MGAT5: variants seen among roughly 807,000 people sequenced by gnomAD.
MGAT5 encodes the protein alpha-1,6-mannosylglycoprotein 6-beta-N-acetylglucosaminyltransferase A.
A neutral mutation model predicts 94.3 loss-of-function variants in MGAT5; 30 were observed. The observed-to-expected ratio is 0.32, with a 90% CI of 0.24 to 0.43. The LOEUF (loss-of-function observed/expected upper bound fraction) is 0.43, where lower values mean the gene tolerates loss of function less well. Ranked by LOEUF, MGAT5 falls within the 20% of genes least tolerant of loss-of-function variation. The probability of loss-of-function intolerance (pLI) is 1.00; values close to 1 mark genes in which losing one functional copy is unlikely to be tolerated. For synonymous variants in MGAT5, 310 were observed against 322.9 expected (o/e 0.96, Z 0.43); for missense variants, 691 against 905.5 (o/e 0.76, Z 3.04).
chr2:134,402,689 T>A (rs1683121847), intron 10 of MGAT5, among the ~76,000 whole-genome samples: 2 of 152,204 alleles, frequency 1.3e-5, no homozygotes, highest in Non-Finnish European at 1.5e-5. Context: ...TCAAAACAGT[T>A]GGCTATATAA....
At chr2:134,334,868 C>T (rs929785309) in intron 4 of MGAT5, among the ~76,000 whole-genome samples, 1 of 152,014 alleles carries the variant, frequency 6.6e-6, no homozygotes, top group African/African-American at 2.4e-5. Flanking sequence ...TGAGTAAAAA[C>T]CATTTTAGCT....
intron 1 of MGAT5, among the ~76,000 whole-genome samples, chr2:134,194,784 C>T (rs997055588): frequency 6.6e-6 from 1 of 151,798 alleles, no homozygotes; most frequent in African/African-American, 2.4e-5. Context: ...TCCAAATCTG[C>T]CCTCACTTCA....
chr2:134,387,798 G>A (rs1472714158), intron 10 of MGAT5, among the ~76,000 whole-genome samples: 1 of 152,200 alleles, frequency 6.6e-6, no homozygotes, highest in Non-Finnish European at 1.5e-5. Flanking sequence ...CCCATTTATA[G>A]CCACAGATGG....
chr2:134,245,368 CTG>C (rs1339250321), intron 1 of MGAT5, among the ~76,000 whole-genome samples: 1 of 152,324 alleles, frequency 6.6e-6, no homozygotes, highest in East Asian at 1.9e-4. Flanking sequence ...ATTCTCTCAA[CTG>C]TGAATATCGT....
chr2:134,196,594 C>A (rs547856867), intron 1 of MGAT5, among the ~76,000 whole-genome samples: 1 of 152,358 alleles, frequency 6.6e-6, no homozygotes, highest in African/African-American at 2.4e-5. Context: ...TAAGGTTCAA[C>A]TCCTAATGAT....
intron 2 of MGAT5, among the ~76,000 whole-genome samples, 166 bp from the exon 3 acceptor site, chr2:134,317,363 G>A (rs1013481975): frequency 6.6e-6 from 1 of 152,090 alleles, no homozygotes; most frequent in African/African-American, 2.4e-5. Flanking sequence ...CATCACTCTG[G>A]ACCAGTTAGA....
chr2:134,240,812 G>A (rs1681935186), intron 1 of MGAT5, among the ~76,000 whole-genome samples: 1 of 152,062 alleles, frequency 6.6e-6, no homozygotes, highest in Non-Finnish European at 1.5e-5. Context: ...AATTTATTAG[G>A]ACTAAAGATT....
chr2:134,329,165 A>G (rs926866623), intron 4 of MGAT5, among the ~76,000 whole-genome samples: 1 of 152,126 alleles, frequency 6.6e-6, no homozygotes, highest in African/African-American at 2.4e-5. Context: ...TGAGGTAGGA[A>G]TGAACTTGCA....
At chr2:134,259,994 C>A (rs1004050662) in intron 1 of MGAT5, among the ~76,000 whole-genome samples, 1 of 152,108 alleles carries the variant, frequency 6.6e-6, no homozygotes, top group Non-Finnish European at 1.5e-5. Context: ...CAGAATGACA[C>A]ACGGAGCAGC....
intron 1 of MGAT5, among the ~76,000 whole-genome samples, chr2:134,182,091 T>A (rs549407356): frequency 1.3e-5 from 2 of 152,314 alleles, no homozygotes; most frequent in Non-Finnish European, 2.9e-5. Flanking sequence ...GCTTTGGTAG[T>A]TCATAGAAGA....
chr2:134,172,738 C>T (rs1688278954), intron 1 of MGAT5, among the ~76,000 whole-genome samples: 1 of 152,208 alleles, frequency 6.6e-6, no homozygotes, highest in Admixed American at 6.5e-5. Flanking sequence ...AACCCACTGC[C>T]TAAGGGGCAG....
chr2:134,198,140 G>A (rs570271464), intron 1 of MGAT5, among the ~76,000 whole-genome samples: 33 of 152,164 alleles, frequency 2.2e-4, no homozygotes, highest in Non-Finnish European at 3.5e-4. Context: ...AGCCAAGAAG[G>A]GTAGCAATAG....
chr2:134,258,756 TGTA>T (rs1683137437), intron 1 of MGAT5, among the ~76,000 whole-genome samples: 1 of 152,150 alleles, frequency 6.6e-6, no homozygotes, highest in African/African-American at 2.4e-5. Context: ...GGTCGAGAGT[TGTA>T]GTGGTTAGGA....
At chr2:134,191,161 G>T (rs1295155969) in intron 1 of MGAT5, among the ~76,000 whole-genome samples, 1 of 152,240 alleles carries the variant, frequency 6.6e-6, no homozygotes, top group African/African-American at 2.4e-5. Context: ...TTGTGATTGT[G>T]ATTTTTATTA....
At chr2:134,212,860 G>A (rs534208044) in intron 1 of MGAT5, among the ~76,000 whole-genome samples, 1 of 152,286 alleles carries the variant, frequency 6.6e-6, no homozygotes, top group Admixed American at 6.5e-5. Flanking sequence ...CCAGAGAGAG[G>A]GAAGATATCA....
intron 1 of MGAT5, among the ~76,000 whole-genome samples, chr2:134,128,732 A>T (rs56043995): frequency 1.1e-3 from 163 of 152,060 alleles, no homozygotes; most frequent in African/African-American, 2.3e-3. Flanking sequence ...CTAAATTTTT[A>T]AAAAAAATTT....
At chr2:134,323,520 C>T (rs1687452446) in intron 4 of MGAT5, among the ~76,000 whole-genome samples, 1 of 152,052 alleles carries the variant, frequency 6.6e-6, no homozygotes, top group Admixed American at 6.6e-5. Flanking sequence ...AGAGCCAAGT[C>T]ATAGATAGCT....
intron 1 of MGAT5, among the ~76,000 whole-genome samples, chr2:134,157,940 G>T (rs114825166): frequency 6.6e-6 from 1 of 152,202 alleles, no homozygotes; most frequent in African/African-American, 2.4e-5. Flanking sequence ...GTCCTGACAA[G>T]TCTGTTCAGT....
chr2:134,293,004 G>T (rs1375466014), intron 2 of MGAT5, among the ~76,000 whole-genome samples: 1 of 152,230 alleles, frequency 6.6e-6, no homozygotes, highest in East Asian at 1.9e-4. Context: ...TAGGGCAAAT[G>T]CATTGTTGTC....
Sources: allele counts gnomAD v4.1 joint callset (sites outside exome capture counted in the v4.1 genomes callset), GRCh38; gene constraint gnomAD v4.1.1; transcripts MANE v1.5; gene names NCBI Gene and HGNC (gene_info 2026-07-23, HGNC 2026-07-21).